The following MDGA2 variants were observed in gnomAD, a reference collection of about 807,000 sequenced individuals.
The protein encoded by MDGA2 is MAM domain containing glycosylphosphatidylinositol anchor 2, also known as MAM domain-containing glycosylphosphatidylinositol anchor protein 2.
A neutral mutation model predicts 117.8 loss-of-function variants in MDGA2; 40 were observed. The observed-to-expected ratio is 0.34, with a 90% CI of 0.26 to 0.44. The LOEUF (loss-of-function observed/expected upper bound fraction) is 0.44. MDGA2 is among the 20% of genes least tolerant of loss of function. MDGA2 has a pLI of 1.00. For synonymous variants in MDGA2, 452 were observed against 439.0 expected, an observed-to-expected ratio of 1.03 and a Z score of -0.37; for missense variants, 1,123 against 1,250.6, an observed-to-expected ratio of 0.90 and a Z score of 1.54.
intron 1 of MDGA2, among the ~76,000 whole-genome samples, chr14:47,504,075 T>A (rs975732949): frequency 2.6e-5 from 4 of 152,192 alleles, no homozygotes; most frequent in African/African-American, 9.7e-5. Flanking sequence ...ACACAATACT[T>A]ATTGATTACA....
rs536420811 is a variant in MDGA2 at position 47,282,701 on chromosome 14, AAAAAAAC to A, written c.420+18703_420+18709del. On this transcript the variant is annotated intron_variant, in intron 2 of 16. Transcript: ENST00000399232. ...GACAGAGCAAGAATGTGTCTCAAAAAAAAAAACAAAAAACAAAAAACAAAAAACAGGT... is the reference window on the plus strand; with the variant it reads ...GACAGAGCAAGAATGTGTCTCAAAAAAAAAAACAAAAAACAAAAAACAGGT... 7.1e-3 allele frequency among the ~76,000 whole-genome samples: 1,075 copies of A among 150,850 alleles called. 3 individuals carry two copies. The highest frequency in any genetic ancestry group is 0.011 in the Non-Finnish European group (738 of 67,688).
chr14:47,200,738 T>C (rs1202447644), intron 3 of MDGA2: 2 of 883,334 alleles, frequency 2.3e-6, no homozygotes, highest in African/African-American at 1.6e-5. Context: ...TGTCACTGCC[T>C]GCTACTTCCA....
At chr14:47,253,740 C>G (rs1471105595) in intron 2 of MDGA2, among the ~76,000 whole-genome samples, 1 of 152,194 alleles carries the variant, frequency 6.6e-6, no homozygotes, top group African/African-American at 2.4e-5. Context: ...CTAGGCAGTG[C>G]CCCCATGGAG....
chr14:47,571,581 AG>A (rs1259764873), intron 1 of MDGA2, among the ~76,000 whole-genome samples: 1 of 152,196 alleles, frequency 6.6e-6, no homozygotes, highest in Non-Finnish European at 1.5e-5. Flanking sequence ...GCCATAAAAA[AG>A]GATGAGTTCA....
At chr14:47,216,959 G>A (rs1184179722) in intron 3 of MDGA2, among the ~76,000 whole-genome samples, 2 of 151,980 alleles carry the variant, frequency 1.3e-5, no homozygotes, top group Admixed American at 6.6e-5. Context: ...TGGAGAGGAT[G>A]AAACAAGGAT....
intron 10 of MDGA2, among the ~76,000 whole-genome samples, chr14:46,915,555 T>C (rs35526352): frequency 0.22 from 33,365 of 152,112 alleles, 4,578 homozygotes; most frequent in Non-Finnish European, 0.3. Flanking sequence ...GTTTTAGTGT[T>C]GTAATTATCA....
chr14:47,663,185 C>T (rs1395068923), intron 1 of MDGA2, among the ~76,000 whole-genome samples: 1 of 152,198 alleles, frequency 6.6e-6, no homozygotes, highest in Non-Finnish European at 1.5e-5. Flanking sequence ...CCAAGTTAGA[C>T]TGACAACTGT....
At chr14:47,181,963 G>C (rs2139373165) in intron 3 of MDGA2, among the ~76,000 whole-genome samples, 1 of 152,062 alleles carries the variant, frequency 6.6e-6, no homozygotes, top group Non-Finnish European at 1.5e-5. Flanking sequence ...TTATTTCTTT[G>C]TTCCTATATA....
chr14:47,539,773 T>G (rs898352576), intron 1 of MDGA2, among the ~76,000 whole-genome samples: 4 of 152,150 alleles, frequency 2.6e-5, no homozygotes, highest in African/African-American at 4.8e-5. Flanking sequence ...AGCCTAATAT[T>G]TACAGTTATA....
intron 1 of MDGA2, among the ~76,000 whole-genome samples, chr14:47,376,606 T>G (rs940513549): frequency 5.3e-5 from 8 of 152,226 alleles, no homozygotes; most frequent in African/African-American, 1.9e-4. Flanking sequence ...AAATACTTGC[T>G]GATTTTCTTC....
At chr14:47,437,294 T>C (rs1189866953) in intron 1 of MDGA2, among the ~76,000 whole-genome samples, 1 of 152,136 alleles carries the variant, frequency 6.6e-6, no homozygotes, top group African/African-American at 2.4e-5. Context: ...AGAATAAAGA[T>C]GATAAGGCTC....
intron 1 of MDGA2, among the ~76,000 whole-genome samples, chr14:47,509,793 T>A (rs1894600620): frequency 6.6e-6 from 1 of 152,174 alleles, no homozygotes; most frequent in African/African-American, 2.4e-5. Context: ...GCCTCCAATG[T>A]TTGTATTTTG....
chr14:47,452,418 A>AT (rs1893260857), intron 1 of MDGA2, among the ~76,000 whole-genome samples: 1 of 152,080 alleles, frequency 6.6e-6, no homozygotes. Flanking sequence ...TTAAGACATT[A>AT]TTTTTTAGTT....
intron 7 of MDGA2, among the ~76,000 whole-genome samples, chr14:47,037,176 C>T (rs1326408929): frequency 6.6e-6 from 1 of 152,200 alleles, no homozygotes; most frequent in Non-Finnish European, 1.5e-5. Flanking sequence ...CTTATTCACC[C>T]TCCATGGGAA....
At chr14:46,949,017 T>A (rs1000563589) in intron 9 of MDGA2, among the ~76,000 whole-genome samples, 1 of 152,082 alleles carries the variant, frequency 6.6e-6, no homozygotes, top group African/African-American at 2.4e-5. Flanking sequence ...AATCTTCTCA[T>A]CTTATTTTTC....
At chr14:47,299,167 A>G (rs1482959113) in intron 2 of MDGA2, among the ~76,000 whole-genome samples, 2 of 152,158 alleles carry the variant, frequency 1.3e-5, no homozygotes, top group East Asian at 3.9e-4. Flanking sequence ...TGCATGATCT[A>G]CTTTGTTTCA....
chr14:47,331,716 T>C (rs891209606), intron 1 of MDGA2, among the ~76,000 whole-genome samples: 3 of 151,980 alleles, frequency 2.0e-5, no homozygotes, highest in Non-Finnish European at 4.4e-5. Context: ...GCTTATTAGA[T>C]TATATAATAG....
Position 47,096,925 on chromosome 14 carries a change from C to A in MDGA2, c.1124G>T (p.Gly375Val), listed in dbSNP as rs1880007099. 1.9e-6 allele frequency: 3 copies of A among 1,613,176 alleles called. No individual in the cohort carries two copies. The highest frequency in any genetic ancestry group is 8.5e-7 in the Non-Finnish European group (1 of 1,179,454). ...TIPAITSDDA[G>V]TYSCIANNNV... ...ATTATTGGCAATGCAGCTGTAAGTA[C>A]CAGCATCATCTGAGGTGATGGCAGG... The change falls in exon 6 of 17, where the codon GGT becomes GTT. Residue 375 changes from glycine to valine, a missense_variant. By Grantham distance (109) the Gly-to-Val change is moderately radical. Coordinates refer to ENST00000399232, the MANE Select transcript of MDGA2 (RefSeq NM_001113498.3).
chr14:47,514,044 A>C (rs1786735052), intron 1 of MDGA2, among the ~76,000 whole-genome samples: 1 of 152,100 alleles, frequency 6.6e-6, no homozygotes, highest in East Asian at 1.9e-4. Flanking sequence ...GAAACTCAGA[A>C]GTTGACAACA....
Sources: gnomAD v4.1 joint callset for allele counts (sites outside exome capture counted in the v4.1 genomes callset) on GRCh38, gnomAD v4.1.1 for gene constraint, MANE v1.5 for transcripts, NCBI Gene and HGNC (gene_info 2026-07-23, HGNC 2026-07-21) for gene names.